NLN: variants seen among roughly 807,000 people sequenced by gnomAD.
NLN encodes neurolysin, mitochondrial.
NLN carries 64 observed loss-of-function variants against 79.9 expected under a neutral mutation model. The ratio of observed to expected loss-of-function variants is 0.80; its 90% CI spans 0.65 to 0.99. NLN has a LOEUF of 0.99. NLN is among the 50% of genes least tolerant of loss of function. The pLI is 0.00. For synonymous variants in NLN, 267 were observed against 296.6 expected, an observed-to-expected ratio of 0.90 and a Z score of 1.02; for missense variants, 835 against 858.7, an observed-to-expected ratio of 0.97 and a Z score of 0.34.
intron 1 of NLN, among the ~76,000 whole-genome samples, chr5:65,735,000 C>T (rs554927842): frequency 3.1e-4 from 47 of 152,304 alleles, no homozygotes; most frequent in South Asian, 6.2e-4. Context: ...TGAGGTCTCA[C>T]AGTCAGCCAC....
intron 1 of NLN, among the ~76,000 whole-genome samples, chr5:65,724,702 T>C (rs1412385570): frequency 6.6e-6 from 1 of 152,172 alleles, no homozygotes; most frequent in Non-Finnish European, 1.5e-5. Flanking sequence ...ACATTCCCAT[T>C]GGCAGTACCT....
intron 1 of NLN, among the ~76,000 whole-genome samples, chr5:65,751,506 G>A (rs1759101491): frequency 6.6e-6 from 1 of 152,156 alleles, no homozygotes; most frequent in Non-Finnish European, 1.5e-5. Flanking sequence ...TGCTTGAGAA[G>A]TCCTAGTTTC....
chr5:65,733,060 G>C lies in NLN; in HGVS notation c.41+10646G>C, dbSNP rs1189250768. 23 of 1,360,762 alleles carry C rather than the reference G, an allele frequency of 1.7e-5. 2 individuals carry two copies. The Middle Eastern group carries it at 8.0e-4, about 48-fold the overall frequency. 84.3% of individuals were successfully genotyped at this position (1,360,762 alleles called of 1,614,324 possible). On this transcript the variant is annotated intron_variant, in intron 1 of 12. Transcript: ENST00000380985. ...ATTTCCCACCCCCCTCCTCTAACTGGCACCATTGCCCATAACTAATTTCTT... is the reference window on the plus strand; with the variant it reads ...ATTTCCCACCCCCCTCCTCTAACTGCCACCATTGCCCATAACTAATTTCTT...
At position 65,785,806 on chromosome 5, in the gene NLN, C is replaced by G; in HGVS notation, c.854C>G (p.Pro285Arg). ...ENTIILQQLL[P>R]LRTKVAKLLG... is the part of the protein sequence containing the mutation. ...ACCATAATTTTGCAGCAGCTACTCC[C>G]ACTGCGAACCAAGGTGGCCAAACTA... Residue 285 changes from proline (P) to arginine (R), a missense_variant, in exon 7 of 13, where the codon CCA becomes CGA. Coordinates refer to ENST00000380985, the MANE Select transcript of NLN (RefSeq NM_020726.5). 6.2e-7 allele frequency: 1 copy of G among 1,613,656 alleles called. No homozygotes were observed. The highest frequency in any genetic ancestry group is 8.5e-7 in the Non-Finnish European group (1 of 1,179,612).
In NLN at chr5:65,827,292, A is replaced by T. The variant is rs537091012; in HGVS notation, c.*4377A>T. On this transcript the variant is annotated 3_prime_UTR_variant, in exon 13 of 13. Coordinates refer to ENST00000380985, the MANE Select transcript of NLN (RefSeq NM_020726.5). Reference sequence around the variant, plus strand: ...AATACAGGTTCAACACATCTAGTCCACGATGTACGTACAAGGGGAAGGGGT... The same window carrying T: ...AATACAGGTTCAACACATCTAGTCCTCGATGTACGTACAAGGGGAAGGGGT... 2.0e-5 allele frequency: 3 copies of T among 152,242 alleles called. No homozygotes were observed. The highest frequency in any genetic ancestry group is 7.2e-5 in the African/African-American group (3 of 41,540). 9.4% of individuals were successfully genotyped at this position (152,242 alleles called of 1,614,324 possible).
chr5:65,754,848 C>G (rs1022765013), intron 1 of NLN, among the ~76,000 whole-genome samples: 1 of 152,144 alleles, frequency 6.6e-6, no homozygotes, highest in Non-Finnish European at 1.5e-5. Context: ...TGTTGTCTCT[C>G]CCAGTCAGCT....
At chr5:65,739,044 A>ATAT (rs1399632203) in intron 1 of NLN, among the ~76,000 whole-genome samples, 2 of 140,006 alleles carry the variant, frequency 1.4e-5, no homozygotes, top group African/African-American at 5.5e-5. Context: ...TATATATAAA[A>ATAT]AATATATATA....
At chr5:65,727,322 C>G (rs1167830761) in intron 1 of NLN, among the ~76,000 whole-genome samples, 1 of 152,088 alleles carries the variant, frequency 6.6e-6, no homozygotes, top group African/African-American at 2.4e-5. Flanking sequence ...CGCTCACCAC[C>G]ATGCCCAGCT....
intron 12 of NLN, among the ~76,000 whole-genome samples, chr5:65,816,071 C>T (rs1183955408): frequency 1.3e-5 from 2 of 152,018 alleles, no homozygotes; most frequent in Admixed American, 6.6e-5. Context: ...ACAATGTATA[C>T]CACGGAATAC....
Position 65,780,012 on chromosome 5 carries a change from G to A in NLN, c.559-167G>A, listed in dbSNP as rs543211633. On this transcript the variant is annotated intron_variant, in intron 4 of 12. Coordinates refer to ENST00000380985, the MANE Select transcript of NLN (RefSeq NM_020726.5). ...AGCTAATTTTTGTATTTTTAGTAGA[G>A]ACTGGCTTTCACCATGTTAGCCAGG... The A allele has an allele frequency of 4.4e-5, 21 of 474,866 alleles. No individual in the cohort carries two copies. In the South Asian group the frequency reaches 7.5e-4, roughly 17 times the overall value. 29.4% of individuals were successfully genotyped at this position (474,866 alleles called of 1,614,324 possible).
chr5:65,816,740 A>G (rs895705220), intron 12 of NLN, among the ~76,000 whole-genome samples: 1 of 152,154 alleles, frequency 6.6e-6, no homozygotes, highest in Non-Finnish European at 1.5e-5. Context: ...AAAAATATGA[A>G]TTTTTATGAT....
chr5:65,809,561 T>C lies in NLN; in HGVS notation c.1574T>C (p.Val525Ala). The C allele has an allele frequency of 6.2e-7, 1 of 1,612,744 alleles. No individual in the cohort carries two copies. Among genetic ancestry groups the C allele is most frequent in the South Asian group, 1.1e-5 (1 of 90,620 alleles). Residue 525 changes from valine to alanine, a missense_variant, in exon 10 of 13, where the codon GTA becomes GCA. By Grantham distance (64) the Val-to-Ala change is moderately conservative. Transcript: ENST00000380985. ...GGAACAAATGTGGAAACTGACTTTG[T>C]AGAGGTGCCATCGCAAATGCTTGAA... ...FSGTNVETDF[V>A]EVPSQMLENW...
In NLN at chr5:65,749,287, AAG is replaced by A. The variant is rs1759053508; in HGVS notation, c.42-9275_42-9274del. ...AAGAGTTTAGTTGATGACAGCAACA[AAG>A]AGAGTTAGTAAGGGATGTAGCAGGA... On this transcript the variant is annotated intron_variant, in intron 1 of 12. Transcript: ENST00000380985. 3.9e-5 allele frequency among the ~76,000 whole-genome samples: 6 copies of A among 152,360 alleles called. No homozygotes were observed. In the South Asian group the frequency reaches 1.2e-3, roughly 32 times the overall value.
Position 65,810,159 on chromosome 5 carries a change from A to G in NLN, c.1837A>G (p.Thr613Ala), listed in dbSNP as rs1248872124. 1.2e-6 allele frequency: 2 copies of G among 1,613,714 alleles called. No homozygotes were observed. Among genetic ancestry groups the G allele is most frequent in the Admixed American group, 1.7e-5 (1 of 59,992 alleles). ...CTCAGAAATATTAGGAGTTGCAGCT[A>G]CTCCAGGTATGTAACTACTATGAAT... is the stretch of plus-strand genomic sequence containing the variant. ...YCSEILGVAA[T>A]PGTNMPATFG... The change falls in exon 11 of 13, where the codon ACT becomes GCT. Residue 613 changes from threonine (T) to alanine (A), a missense_variant. Coordinates refer to ENST00000380985, the MANE Select transcript of NLN (RefSeq NM_020726.5).
chr5:65,807,185 AAAAAG>A (rs994116229), intron 9 of NLN, among the ~76,000 whole-genome samples: 31 of 151,906 alleles, frequency 2.0e-4, no homozygotes, highest in African/African-American at 5.1e-4. Context: ...TCAAAAAAAA[AAAAAG>A]AAAGAAAGAA....
At chr5:65,729,369 C>CTTTTTT (rs34963968) in intron 1 of NLN, among the ~76,000 whole-genome samples, 23 of 101,056 alleles carry the variant, frequency 2.3e-4, no homozygotes, top group African/African-American at 2.8e-4. Context: ...GTTTTCTTTT[C>CTTTTTT]TTTTTTTTTT....
At chr5:65,821,768 C>A (rs964598637) in intron 12 of NLN, among the ~76,000 whole-genome samples, 2 of 152,084 alleles carry the variant, frequency 1.3e-5, no homozygotes, top group Non-Finnish European at 2.9e-5. Context: ...CAAAAGGTAA[C>A]CCCAAAAGTT....
intron 12 of NLN, among the ~76,000 whole-genome samples, chr5:65,818,092 G>C (rs952982066): frequency 6.6e-6 from 1 of 152,182 alleles, no homozygotes; most frequent in Non-Finnish European, 1.5e-5. Flanking sequence ...CCTACTTCTT[G>C]AATATTTACA....
rs1267998432 is a variant in NLN, at chr5:65,733,152, C to T, written c.41+10738C>T. ...ATTCTGTCATGCTTACCTAGCTGAT[C>T]GGGACATGGAGTGTCTGTCTTAGTA... On this transcript the variant is annotated intron_variant, in intron 1 of 12. Coordinates refer to ENST00000380985, the MANE Select transcript of NLN (RefSeq NM_020726.5). The T allele has an allele frequency of 6.8e-6, 10 of 1,479,136 alleles. 1 individual carries two copies. The highest frequency in any genetic ancestry group is 4.5e-5 in the African/African-American group (3 of 67,374). The allele number at this position is 1,479,136 out of a possible 1,614,324, so 91.6% of individuals were successfully genotyped here. A position where few individuals can be genotyped will look rare whatever the true frequency, so the allele number is the denominator to read the frequency against.
Sources: allele counts gnomAD v4.1 joint callset (sites outside exome capture counted in the v4.1 genomes callset), GRCh38; gene constraint gnomAD v4.1.1; transcripts MANE v1.5; gene names NCBI Gene and HGNC (gene_info 2026-07-23, HGNC 2026-07-21).